Variants in SLC10A6 observed in about 807,000 individuals in gnomAD.
SLC10A6 encodes the protein solute carrier family 10 member 6, also known as sodium-dependent organic anion transporter.
Under a neutral mutation model 30.0 loss-of-function variants are expected in SLC10A6, and 27 were observed. The ratio of observed to expected loss-of-function variants is 0.90; its 90% CI spans 0.66 to 1.24. The LOEUF is 1.24. Ranked by LOEUF, SLC10A6 falls within the 50% of genes most tolerant of loss-of-function variation. The pLI is 0.00. For missense variants in SLC10A6, 439 were observed against 457.0 expected (o/e 0.96, Z 0.36); for synonymous variants, 166 against 173.8 (o/e 0.95, Z 0.36).
chr4:86,844,529 T>C (rs989105990), intron 1 of SLC10A6, among the ~76,000 whole-genome samples: 1 of 152,196 alleles, frequency 6.6e-6, no homozygotes, highest in Non-Finnish European at 1.5e-5. Context: ...CATTGGCCAA[T>C]GGAATGTGGT....
chr4:86,828,138 G>A lies in SLC10A6; in HGVS notation c.616C>T (p.Leu206=). ...ACCACACCAGCAACTGCGACCACCA[G>A]AAGGAGGACCCCACCAACAACGGCC... is the stretch of plus-strand genomic sequence containing the variant. The part of the protein sequence containing the change: ...IGAVVGGVLL[L]VVAVAGVVLA... The change falls in exon 4 of 6, where the codon CTG becomes TTG. Residue 206 remains leucine, a synonymous_variant. Coordinates refer to ENST00000273905, the MANE Select transcript of SLC10A6 (RefSeq NM_197965.3). 6.2e-7 allele frequency: 1 copy of A among 1,613,382 alleles called. No individual in the cohort carries two copies. Among genetic ancestry groups the A allele is most frequent in the South Asian group, 1.1e-5 (1 of 90,974 alleles).
At position 86,824,642 on chromosome 4, in the gene SLC10A6, T is replaced by C. The variant is rs566977363; in HGVS notation, c.920-740A>G. On this transcript the variant is annotated intron_variant, in intron 5 of 5. Transcript: ENST00000273905. The stretch of plus-strand genomic sequence containing the variant: ...TTTGTTTCCTGGGTATATTGTGTGA[T>C]GCTGAAGTTTGGGAAACAAATGATC... Among the ~76,000 whole-genome samples the C allele has an allele frequency of 5.3e-5, 8 of 152,202 alleles. No individual in the cohort carries two copies. The South Asian group carries it at 1.7e-3, about 32-fold the overall frequency.
chr4:86,849,023 C>T lies in SLC10A6; in HGVS notation c.93G>A (p.Glu31=), dbSNP rs764999040. The change falls in exon 1 of 6, where the codon GAG becomes GAA. Residue 31 remains glutamate, a synonymous_variant. Transcript: ENST00000273905. ...PVGLEVHGNL[E]LVFTVVSTVM... ...CAGTGGACACCACTGTGAAAACGAG[C>T]TCCAGGTTTCCATGCACCTCCAGTC... The T allele has an allele frequency of 3.2e-5, 51 of 1,614,036 alleles. No individual in the cohort carries two copies. Among genetic ancestry groups the T allele is most frequent in the Non-Finnish European group, 3.8e-5 (45 of 1,180,036 alleles).
chr4:86,823,709 G>C lies in SLC10A6; in HGVS notation c.1113C>G (p.Gly371=), dbSNP rs947821653. ...MDCHRALEPV[G]HITSCE ...CCTGCTATTCACATGAAGTGATGTGGCCAACTGGCTCGAGAGCCCTGTGGC... is the reference window on the plus strand; with the variant it reads ...CCTGCTATTCACATGAAGTGATGTGCCCAACTGGCTCGAGAGCCCTGTGGC... The change falls in exon 6 of 6, where the codon GGC becomes GGG. Residue 371 remains glycine (G), a synonymous_variant. Coordinates refer to ENST00000273905, the MANE Select transcript of SLC10A6 (RefSeq NM_197965.3). 6.2e-7 allele frequency: 1 copy of C among 1,610,904 alleles called. No individual in the cohort carries two copies. The highest frequency in any genetic ancestry group is 8.5e-7 in the Non-Finnish European group (1 of 1,178,654).
chr4:86,828,319 G>T, intron 3 of SLC10A6, 151 bp from the exon 4 acceptor site: 1 of 869,882 alleles, frequency 1.1e-6, no homozygotes, highest in East Asian at 2.9e-5. Flanking sequence ...ATTTAGTAGA[G>T]GAGAAATCTG....
chr4:86,840,298 C>T lies in SLC10A6; in HGVS notation c.378-6874G>A, dbSNP rs192028471. On this transcript the variant is annotated intron_variant, in intron 1 of 5. Transcript: ENST00000273905. ...GTGTCCTCCTCTCTAAACAATCTTG[C>T]TTGTCAGACTTCTTCTCAACTTGTA... Among the ~76,000 whole-genome samples, 359 of 152,172 alleles carry T rather than the reference C, an allele frequency of 2.4e-3. 1 individual carries two copies. The highest frequency in any genetic ancestry group is 3.4e-3 in the Non-Finnish European group (228 of 68,002).
chr4:86,823,788 A>G lies in SLC10A6; in HGVS notation c.1034T>C (p.Leu345Ser), dbSNP rs1220349448. The change falls in exon 6 of 6, where the codon TTG (leucine) becomes TCG (serine). Residue 345 changes from leucine to serine, a missense_variant. By Grantham distance (145) the Leu-to-Ser change is moderately radical. Transcript: ENST00000273905. The stretch of plus-strand genomic sequence containing the variant: ...GATGGCACCTTCTTCATTCACCTCC[A>G]AGAAGGCATTGGTCTCTCTGGAAGA... ...STSSRETNAF[L>S]EVNEEGAITP... The G allele has an allele frequency of 6.2e-7, 1 of 1,614,102 alleles. No individual in the cohort carries two copies.
At chr4:86,827,088 C>T (rs1043088104) in intron 4 of SLC10A6, among the ~76,000 whole-genome samples, 2 of 152,174 alleles carry the variant, frequency 1.3e-5, no homozygotes, top group Non-Finnish European at 2.9e-5. Context: ...GGAACTCACA[C>T]CTGCACCATT....
intron 1 of SLC10A6, among the ~76,000 whole-genome samples, chr4:86,839,494 C>T (rs912138583): frequency 6.6e-6 from 1 of 152,078 alleles, no homozygotes; most frequent in Non-Finnish European, 1.5e-5. Flanking sequence ...TACTCTGCAA[C>T]TTGTTTGCTT....
chr4:86,846,283 G>GT (rs1414835037), intron 1 of SLC10A6, among the ~76,000 whole-genome samples: 6 of 151,922 alleles, frequency 3.9e-5, no homozygotes, highest in East Asian at 3.9e-4. Context: ...GTTTTTGCTT[G>GT]TTTTTTTAGT....
chr4:86,832,375 T>G (rs1746093926), intron 2 of SLC10A6, among the ~76,000 whole-genome samples: 1 of 151,814 alleles, frequency 6.6e-6, no homozygotes, highest in Non-Finnish European at 1.5e-5. Flanking sequence ...GAGGCCAAGG[T>G]GGGTGGACTG....
chr4:86,838,675 C>A (rs1235859293), intron 1 of SLC10A6, among the ~76,000 whole-genome samples: 3 of 151,940 alleles, frequency 2.0e-5, no homozygotes, highest in African/African-American at 7.2e-5. Context: ...GTAATCCCAG[C>A]ACTTTGGGAG....
chr4:86,847,570 T>A (rs974141113), intron 1 of SLC10A6, among the ~76,000 whole-genome samples: 1 of 152,096 alleles, frequency 6.6e-6, no homozygotes, highest in Admixed American at 6.5e-5. Context: ...TTTTTTCAAA[T>A]CTCTCATAAG....
chr4:86,828,758 A>G (rs1043807141), intron 3 of SLC10A6, among the ~76,000 whole-genome samples: 1 of 152,188 alleles, frequency 6.6e-6, no homozygotes, highest in African/African-American at 2.4e-5. Flanking sequence ...CCAAATGGAT[A>G]CTGTCCTTAC....
chr4:86,844,130 A>T (rs1746354176), intron 1 of SLC10A6, among the ~76,000 whole-genome samples: 1 of 152,212 alleles, frequency 6.6e-6, no homozygotes, highest in East Asian at 1.9e-4. Context: ...GTGAGCCGAG[A>T]TCACGCCACT....
chr4:86,825,720 C>T, intron 4 of SLC10A6, 143 bp from the exon 5 acceptor site: 1 of 909,338 alleles, frequency 1.1e-6, no homozygotes, highest in Non-Finnish European at 1.6e-6. Flanking sequence ...TTGCTGAGTG[C>T]CTATTCTGCA....
chr4:86,824,273 G>A (rs1482996919), intron 5 of SLC10A6, among the ~76,000 whole-genome samples: 2 of 152,198 alleles, frequency 1.3e-5, no homozygotes, highest in African/African-American at 2.4e-5. Context: ...AGCTGGGAAT[G>A]AGCCAGAAAT....
chr4:86,827,902 T>C (rs1279212812), intron 4 of SLC10A6, 91 bp downstream of exon 4: 6 of 1,247,188 alleles, frequency 4.8e-6, no homozygotes, highest in Non-Finnish European at 5.5e-6. Flanking sequence ...TCAAAACTCT[T>C]CATGTCTCCT....
Position 86,837,201 on chromosome 4 carries a change from T to G in SLC10A6, c.378-3777A>C, listed in dbSNP as rs535149766. On this transcript the variant is annotated intron_variant, in intron 1 of 5. Transcript: ENST00000273905. ...GAGGAAGAAGAGCCCATGGTGCATG[T>G]AGAGAGAGAGAGAGAGAGAGAGAGA... is the stretch of plus-strand genomic sequence containing the variant. Among the ~76,000 whole-genome samples the G allele has an allele frequency of 3.5e-3, 363 of 104,332 alleles. 5 individuals are homozygous for G. Among genetic ancestry groups the G allele is most frequent in the African/African-American group, 0.017 (333 of 19,048 alleles). The allele number at this position is 104,332 out of a possible 152,430, so 68.4% of individuals were successfully genotyped here.
Sources: gnomAD v4.1 joint callset for allele counts (sites outside exome capture counted in the v4.1 genomes callset) on GRCh38, gnomAD v4.1.1 for gene constraint, MANE v1.5 for transcripts, NCBI Gene and HGNC (gene_info 2026-07-23, HGNC 2026-07-21) for gene names.